TTC34: variants seen among roughly 807,000 people sequenced by gnomAD.
The protein encoded by TTC34 is tetratricopeptide repeat protein 34.
A neutral mutation model predicts 40.7 loss-of-function variants in TTC34; 44 were observed. The ratio of observed to expected loss-of-function variants is 1.08; its 90% CI spans 0.85 to 1.39. TTC34 has a LOEUF of 1.39. Among genes scored for constraint, TTC34 ranks in the 40% most tolerant of loss-of-function variants. The pLI, the probability that TTC34 is intolerant of heterozygous loss-of-function variation, is 0.00. For synonymous variants in TTC34, 422 were observed against 398.6 expected (o/e 1.06, Z -0.70); for missense variants, 884 against 838.0 (o/e 1.05, Z -0.68).
chr1:2,686,765 C>A (rs1570815390), intron 6 of TTC34, among the ~76,000 whole-genome samples: 22 of 144,868 alleles, frequency 1.5e-4, no homozygotes, highest in South Asian at 1.3e-3. Flanking sequence ...ACCCACACCC[C>A]CAGGTGAGCA....
intron 6 of TTC34, among the ~76,000 whole-genome samples, chr1:2,754,851 ACC>A (rs1641452847): frequency 1.2e-5 from 1 of 85,456 alleles, no homozygotes; most frequent in African/African-American, 6.3e-5. Flanking sequence ...CTGGAACAGC[ACC>A]CACATGCCCA....
intron 6 of TTC34, among the ~76,000 whole-genome samples, chr1:2,686,172 C>A (rs1354061416): frequency 4.4e-5 from 6 of 135,650 alleles, no homozygotes; most frequent in Non-Finnish European, 9.3e-5. Flanking sequence ...CACAGGTGAA[C>A]ATCGGAGAGT....
chr1:2,653,854 A>T (rs1272781082), intron 6 of TTC34, among the ~76,000 whole-genome samples: 5 of 149,414 alleles, frequency 3.3e-5, no homozygotes, highest in African/African-American at 1.0e-4. Flanking sequence ...CCACAGCCCA[A>T]GGTGAGCATC....
intron 6 of TTC34, among the ~76,000 whole-genome samples, chr1:2,690,819 AC>A (rs150501711): frequency 0.17 from 8,072 of 47,852 alleles, 2,876 homozygotes; most frequent in East Asian, 0.49. Flanking sequence ...CAGCACCCAC[AC>A]CCCCAGGTGA....
At chr1:2,793,249 T>C (rs1643681860) in intron 2 of TTC34, among the ~76,000 whole-genome samples, 1 of 152,264 alleles carries the variant, frequency 6.6e-6, no homozygotes, top group Non-Finnish European at 1.5e-5. Context: ...TTTGTCTCAT[T>C]ACTATGATGC....
At chr1:2,748,998 A>G (rs1207810711) in intron 6 of TTC34, among the ~76,000 whole-genome samples, 1 of 81,162 alleles carries the variant, frequency 1.2e-5, no homozygotes, top group African/African-American at 5.3e-5. Context: ...AACAGCACCC[A>G]CACGCCCAGG....
chr1:2,779,389 T>C (rs1204140117), intron 6 of TTC34, among the ~76,000 whole-genome samples: 1 of 152,078 alleles, frequency 6.6e-6, no homozygotes, highest in Non-Finnish European at 1.5e-5. Context: ...AGTGGCAGGA[T>C]CTCAGCTCAC....
intron 6 of TTC34, among the ~76,000 whole-genome samples, chr1:2,748,600 C>CCCCCAGGAGAGCATCCGATAG (rs1641222037): frequency 1.1e-5 from 1 of 94,722 alleles, no homozygotes; most frequent in Non-Finnish European, 2.2e-5. Context: ...AGCACCCACA[C>CCCCCAGGAGAGCATCCGATAG]CCCCAGGTGA....
In TTC34 at chr1:2,789,034, C is replaced by A. The variant is rs553364108; in HGVS notation, c.1628+469G>T. Among the ~76,000 whole-genome samples the A allele has an allele frequency of 2.0e-5, 3 of 152,190 alleles. No individual in the cohort carries two copies. In the Middle Eastern group the frequency reaches 0.01, roughly 518 times the overall value. ...CGGAGGTTGCAGCAAGCCAAGATTG[C>A]GCCATTGCACTCCAGCCTGGGCGGC... On this transcript the variant is annotated intron_variant, in intron 3 of 8. Transcript: ENST00000401095.
Position 2,699,531 on chromosome 1 carries a change from C to T in TTC34, c.2227-53968G>A, listed in dbSNP as rs556977259. Among the ~76,000 whole-genome samples the T allele has an allele frequency of 3.5e-4, 50 of 143,206 alleles. 2 individuals carry two copies. Among genetic ancestry groups the T allele is most frequent in the African/African-American group, 1.2e-3 (49 of 40,082 alleles). The allele number at this position is 143,206 out of a possible 152,430, so 93.9% of individuals were successfully genotyped here. A position where few individuals can be genotyped will look rare whatever the true frequency, so the allele number is the denominator to read the frequency against. Reference sequence around the variant, plus strand: ...ATCTGACAGCCTGGAACACCACCCACATCCCCAGGTGAGCATCTGACAGCC... The same window carrying T: ...ATCTGACAGCCTGGAACACCACCCATATCCCCAGGTGAGCATCTGACAGCC... On this transcript the variant is annotated intron_variant, in intron 6 of 8. Transcript: ENST00000401095.
chr1:2,683,927 T>C (rs28463899), intron 6 of TTC34, among the ~76,000 whole-genome samples: 1 of 122,270 alleles, frequency 8.2e-6, no homozygotes, highest in South Asian at 2.7e-4. Context: ...CAGGTGAGCA[T>C]CTGATGGTCT....
chr1:2,786,251 C>G (rs952390228), intron 4 of TTC34, among the ~76,000 whole-genome samples: 14 of 152,202 alleles, frequency 9.2e-5, no homozygotes, highest in Non-Finnish European at 1.8e-4. Context: ...TGTGCCATCA[C>G]CCCGATCCTC....
rs1050280976 is a variant in TTC34, at chr1:2,767,806, C to T, written c.2226+15803G>A. The stretch of plus-strand genomic sequence containing the variant: ...CTGACAGCCTGGGGCAGCACCCACA[C>T]TCCCAGGTGAGCATCTGACAGCCTG... On this transcript the variant is annotated intron_variant, in intron 6 of 8. Transcript: ENST00000401095. Among the ~76,000 whole-genome samples, 8 of 147,566 alleles carry T rather than the reference C, an allele frequency of 5.4e-5. 1 individual carries two copies. The Admixed American group carries it at 5.4e-4, about 10-fold the overall frequency.
chr1:2,665,049 A>C (rs1639619317), intron 6 of TTC34, among the ~76,000 whole-genome samples: 1 of 6 alleles, frequency 0.17, no homozygotes, highest in Non-Finnish European at 0.5. Flanking sequence ...ACCCACAACC[A>C]CAGGTGAGCA....
chr1:2,654,150 G>T (rs1349129563), intron 6 of TTC34, among the ~76,000 whole-genome samples: 58 of 100,722 alleles, frequency 5.8e-4, no homozygotes, highest in East Asian at 2.1e-3. Flanking sequence ...GCATCTGAAC[G>T]CACGGAGCAG....
intron 6 of TTC34, among the ~76,000 whole-genome samples, chr1:2,688,054 T>C (rs1359476876): frequency 7.4e-5 from 10 of 136,030 alleles, no homozygotes; most frequent in African/African-American, 2.1e-4. Flanking sequence ...CACCCCCAGG[T>C]AAGCATCTGA....
intron 8 of TTC34, 118 bp from the exon 9 acceptor site, chr1:2,642,013 G>A (rs1638917988): frequency 3.4e-6 from 4 of 1,179,822 alleles, no homozygotes; most frequent in South Asian, 1.7e-5. Context: ...TGGGGATGGC[G>A]GGGCCCTGGG....
intron 6 of TTC34, among the ~76,000 whole-genome samples, chr1:2,686,229 C>A (rs1389596876): frequency 6.7e-6 from 1 of 148,438 alleles, no homozygotes; most frequent in Non-Finnish European, 1.5e-5. Flanking sequence ...CAGCCTGGAG[C>A]AGTGCCCACA....
At chr1:2,759,959 C>CA (rs1641641206) in intron 6 of TTC34, among the ~76,000 whole-genome samples, 3 of 99,086 alleles carry the variant, frequency 3.0e-5, no homozygotes, top group South Asian at 3.0e-4. Context: ...AAGGCACCCA[C>CA]ACCACCAGGT....
Sources: allele counts gnomAD v4.1 joint callset (sites outside exome capture counted in the v4.1 genomes callset), GRCh38; gene constraint gnomAD v4.1.1; transcripts MANE v1.5; gene names NCBI Gene and HGNC (gene_info 2026-07-23, HGNC 2026-07-21).